Variants in CACNA2D3 observed in about 807,000 individuals in gnomAD.
CACNA2D3 encodes calcium voltage-gated channel auxiliary subunit alpha2delta 3.
Under a neutral mutation model 160.6 loss-of-function variants are expected in CACNA2D3, and 60 were observed. The ratio of observed to expected loss-of-function variants is 0.37; its 90% confidence interval spans 0.30 to 0.46. The LOEUF (loss-of-function observed/expected upper bound fraction) is 0.46. CACNA2D3 is among the 20% of genes least tolerant of loss of function. CACNA2D3 has a pLI of 1.00. For synonymous variants in CACNA2D3, 558 were observed against 492.9 expected, an observed-to-expected ratio of 1.13 and a Z score of -1.75; for missense variants, 1,205 against 1,365.0, an observed-to-expected ratio of 0.88 and a Z score of 1.85.
At chr3:54,401,086 C>G (rs1006423879) in intron 4 of CACNA2D3, among the ~76,000 whole-genome samples, 3 of 151,608 alleles carry the variant, frequency 2.0e-5, no homozygotes, top group African/African-American at 7.3e-5. Flanking sequence ...CTGAAGAATT[C>G]AATGAATGAA....
At chr3:54,370,721 A>T (rs1481336136) in intron 3 of CACNA2D3, among the ~76,000 whole-genome samples, 2 of 151,954 alleles carry the variant, frequency 1.3e-5, no homozygotes, top group Non-Finnish European at 2.9e-5. Context: ...GTCACATAGC[A>T]TATAATTTTT....
At chr3:55,023,625 TA>T (rs1703505763) in intron 35 of CACNA2D3, among the ~76,000 whole-genome samples, 1 of 152,168 alleles carries the variant, frequency 6.6e-6, no homozygotes, top group South Asian at 2.1e-4. Flanking sequence ...AATTGATCTC[TA>T]CTATTAAATA....
chr3:54,327,752 A>G (rs1430817845), intron 3 of CACNA2D3, among the ~76,000 whole-genome samples: 1 of 152,240 alleles, frequency 6.6e-6, no homozygotes. Flanking sequence ...AATGTCTCTC[A>G]ATACCTTTTG....
At chr3:55,056,709 A>G (rs973686832) in intron 35 of CACNA2D3, among the ~76,000 whole-genome samples, 13 of 152,340 alleles carry the variant, frequency 8.5e-5, no homozygotes, top group Admixed American at 3.3e-4. Context: ...AGACACAGAA[A>G]GACAAATACT....
chr3:54,722,581 C>T lies in CACNA2D3; in HGVS notation c.1168-30018C>T, dbSNP rs547453355. Reference sequence around the variant, plus strand: ...TTTGGTCTTTTATGTTGGTGACCTTCGGATGGGGTCTTTGAGGGGATGTGC... The same window carrying T: ...TTTGGTCTTTTATGTTGGTGACCTTTGGATGGGGTCTTTGAGGGGATGTGC... On this transcript the variant is annotated intron_variant, in intron 11 of 37. Transcript: ENST00000474759. Among the ~76,000 whole-genome samples the T allele has an allele frequency of 7.2e-5, 11 of 152,184 alleles. 1 individual carries two copies. In the South Asian group the frequency reaches 1.2e-3, roughly 17 times the overall value.
chr3:54,891,180 C>CGTGTGTGT (rs3836392), intron 24 of CACNA2D3, among the ~76,000 whole-genome samples, 175 bp from the exon 25 acceptor site: 8,523 of 141,872 alleles, frequency 0.06, 403 homozygotes, highest in African/African-American at 0.14. Flanking sequence ...AATCTGTGCT[C>CGTGTGTGT]GTGTGTGTGT....
intron 33 of CACNA2D3, 139 bp from the exon 34 acceptor site, chr3:55,009,249 C>A: frequency 1.4e-6 from 1 of 717,866 alleles, no homozygotes; most frequent in Non-Finnish European, 2.4e-6. Context: ...TTAGTAGTAA[C>A]TCAGCCAACT....
intron 5 of CACNA2D3, among the ~76,000 whole-genome samples, chr3:54,561,870 G>C (rs1702330844): frequency 6.6e-6 from 1 of 152,186 alleles, no homozygotes; most frequent in Non-Finnish European, 1.5e-5. Flanking sequence ...GTTCCACATG[G>C]CTGGGGAGGC....
chr3:54,388,618 G>T (rs1051251675), intron 4 of CACNA2D3, among the ~76,000 whole-genome samples: 1 of 152,222 alleles, frequency 6.6e-6, no homozygotes, highest in Admixed American at 6.5e-5. Context: ...AGAAGGGACA[G>T]AAGATAGTGA....
intron 11 of CACNA2D3, among the ~76,000 whole-genome samples, chr3:54,648,923 C>T (rs2106860033): frequency 6.6e-6 from 1 of 152,266 alleles, no homozygotes; most frequent in Non-Finnish European, 1.5e-5. Flanking sequence ...TGGGGCAGCA[C>T]CAAGCCAATC....
chr3:54,420,389 C>T (rs1355697341), intron 4 of CACNA2D3, among the ~76,000 whole-genome samples: 1 of 152,216 alleles, frequency 6.6e-6, no homozygotes, highest in East Asian at 1.9e-4. Context: ...TGTCCCTATT[C>T]AGCTTTTAAA....
intron 2 of CACNA2D3, among the ~76,000 whole-genome samples, chr3:54,189,604 C>T (rs930820076): frequency 7.9e-5 from 12 of 152,040 alleles, no homozygotes; most frequent in South Asian, 4.2e-4. Flanking sequence ...CTGGGCTTCT[C>T]GGGACGTAGG....
intron 2 of CACNA2D3, among the ~76,000 whole-genome samples, chr3:54,252,829 C>T (rs904947326): frequency 2.6e-5 from 4 of 152,052 alleles, no homozygotes; most frequent in Non-Finnish European, 4.4e-5. Context: ...GTGTTGAGGC[C>T]GGGAAGTAGA....
chr3:54,255,056 A>C (rs1702268181), intron 2 of CACNA2D3, among the ~76,000 whole-genome samples: 1 of 152,212 alleles, frequency 6.6e-6, no homozygotes, highest in Admixed American at 6.5e-5. Flanking sequence ...AACATCTGTA[A>C]CATTTCCCCT....
At chr3:54,806,606 A>G (rs1703133237) in intron 13 of CACNA2D3, among the ~76,000 whole-genome samples, 3 of 152,216 alleles carry the variant, frequency 2.0e-5, no homozygotes, top group Admixed American at 2.0e-4. Context: ...AAGAATCAAT[A>G]TCGTGAGAAT....
chr3:54,653,050 T>C (rs1245341085), intron 11 of CACNA2D3, among the ~76,000 whole-genome samples: 1 of 152,170 alleles, frequency 6.6e-6, no homozygotes, highest in Non-Finnish European at 1.5e-5. Context: ...CCCAAAGTGC[T>C]GAGATTACAG....
At chr3:54,124,971 G>A (rs1474007448) in intron 2 of CACNA2D3, among the ~76,000 whole-genome samples, 1 of 152,176 alleles carries the variant, frequency 6.6e-6, no homozygotes, top group Non-Finnish European at 1.5e-5. Flanking sequence ...GGACCAATCT[G>A]TCTCCTGCTT....
chr3:54,857,289 G>C (rs919341153), intron 17 of CACNA2D3, among the ~76,000 whole-genome samples: 1 of 152,184 alleles, frequency 6.6e-6, no homozygotes, highest in Non-Finnish European at 1.5e-5. Context: ...GCTGCATGTC[G>C]TGAAGTCGTT....
At chr3:54,751,414 T>G (rs1191055072) in intron 11 of CACNA2D3, among the ~76,000 whole-genome samples, 2 of 152,176 alleles carry the variant, frequency 1.3e-5, no homozygotes, top group African/African-American at 4.8e-5. Flanking sequence ...TATGCATAAT[T>G]AAAACAGAAT....
Sources: gnomAD v4.1 joint callset for allele counts (sites outside exome capture counted in the v4.1 genomes callset) on GRCh38, gnomAD v4.1.1 for gene constraint, MANE v1.5 for transcripts, NCBI Gene and HGNC (gene_info 2026-07-23, HGNC 2026-07-21) for gene names.